The following PIEZO2 variants were observed in gnomAD, a reference collection of about 807,000 sequenced individuals.
PIEZO2 encodes the protein piezo-type mechanosensitive ion channel component 2.
A neutral mutation model predicts 337.3 loss-of-function variants in PIEZO2; 172 were observed. The ratio of observed to expected loss-of-function variants is 0.51; its 90% CI spans 0.45 to 0.58. The LOEUF (loss-of-function observed/expected upper bound fraction) is 0.58. PIEZO2 is among the 20% of genes least tolerant of loss of function. PIEZO2 has a pLI of 0.00. For synonymous variants in PIEZO2, 1,251 were observed against 1,228.5 expected (o/e 1.02, Z -0.38); for missense variants, 3,028 against 3,391.3 (o/e 0.89, Z 2.66).
chr18:10,714,886 G>C lies in PIEZO2; in HGVS notation c.5301C>G (p.Asn1767Lys). Residue 1767 changes from asparagine (N) to lysine (K), a missense_variant, in exon 39 of 56, where the codon AAC (asparagine) becomes AAG (lysine). Physicochemically the swap from Asn to Lys is moderately conservative, Grantham distance 94. Around this residue, in one of 5 missense-constraint regions of PIEZO2, gnomAD observed 1,925 missense variants for 2,051.9 expected, o/e 0.94. Transcript: ENST00000674853. ...ACTCTCTGGAAAGGTTCATGATGTG[G>C]TTCTGATAGTACATGTGGATGCTCT... ...TRESIHMYYQ[N>K]HIMNLSRESG... The C allele has an allele frequency of 6.5e-7, 1 of 1,537,234 alleles. No individual in the cohort carries two copies. Among genetic ancestry groups the C allele is most frequent in the South Asian group, 1.2e-5 (1 of 84,056 alleles).
At position 10,691,236 on chromosome 18, in the gene PIEZO2, G is replaced by A; in HGVS notation, c.7338C>T (p.Phe2446=). The change falls in exon 48 of 56, where the codon TTC becomes TTT. Residue 2446 remains phenylalanine, a synonymous_variant. Coordinates refer to ENST00000674853, the MANE Select transcript of PIEZO2 (RefSeq NM_001378183.1). ...LTKSYNYVNL[F]LFQGFRLVPF... ...GCAGAGCGTCCTACCCTTGGAATAA[G>A]AAGAGGTTGACGTAATTGTAGCTCT... is the stretch of plus-strand genomic sequence containing the variant. 6.2e-7 allele frequency: 1 copy of A among 1,613,810 alleles called. No homozygotes were observed. The highest frequency in any genetic ancestry group is 1.1e-5 in the South Asian group (1 of 90,934).
chr18:10,781,707 TCTG>T lies in PIEZO2; in HGVS notation c.2493-1344_2493-1342del, dbSNP rs1160484968. On this transcript the variant is annotated intron_variant, in intron 17 of 55. Coordinates refer to ENST00000674853, the MANE Select transcript of PIEZO2 (RefSeq NM_001378183.1). This position sits in a 1 kb window ranked among gnomAD's most constrained non-coding sequence, Gnocchi z 4.1. ...TTCTGTAAGTCTAAACATAATAAAT[TCTG>T]CTTCATACACAAGTGACATGTGCCT... 6.6e-6 allele frequency among the ~76,000 whole-genome samples: 1 copy of T among 152,188 alleles called. No homozygotes were observed. The highest frequency in any genetic ancestry group is 1.9e-4 in the East Asian group (1 of 5,192).
rs1158064938 is a variant in PIEZO2 at position 11,048,820 on chromosome 18, TA to T, written c.160+17306del. ...TTGGGACAGTTGCCTGGCATATAGC[TA>T]TACTGTGTTTCCTGTTTATTCTTCT... is the stretch of plus-strand genomic sequence containing the variant. On this transcript the variant is annotated intron_variant, in intron 2 of 55. Transcript: ENST00000674853. This position sits in a 1 kb window ranked among gnomAD's most constrained non-coding sequence, Gnocchi z 4.5. Among the ~76,000 whole-genome samples, 1 of 152,226 alleles carries T rather than the reference TA, an allele frequency of 6.6e-6. No individual in the cohort carries two copies. The highest frequency in any genetic ancestry group is 1.5e-5 in the Non-Finnish European group (1 of 68,034).
intron 4 of PIEZO2, among the ~76,000 whole-genome samples, chr18:10,884,244 T>C (rs563534442): frequency 1.3e-5 from 2 of 152,360 alleles, no homozygotes; most frequent in South Asian, 2.1e-4. Context: ...TCCTTCCTTT[T>C]ATGGCTGAAT....
Position 11,027,448 on chromosome 18 carries a change from C to T in PIEZO2, c.160+38679G>A, listed in dbSNP as rs975347241. ...TACAAGAGGTTAAAAAGAAAGCAAT[C>T]AAATTGACAATGAAGCAGGAGATAT... is the stretch of plus-strand genomic sequence containing the variant. On this transcript the variant is annotated intron_variant, in intron 2 of 55. Coordinates refer to ENST00000674853, the MANE Select transcript of PIEZO2 (RefSeq NM_001378183.1). This position sits in a 1 kb window ranked among gnomAD's most constrained non-coding sequence, Gnocchi z 4.2. Among the ~76,000 whole-genome samples, 10 of 152,138 alleles carry T rather than the reference C, an allele frequency of 6.6e-5. No homozygotes were observed. The highest frequency in any genetic ancestry group is 2.4e-4 in the African/African-American group (10 of 41,436).
Position 10,866,239 on chromosome 18 carries a change from C to T in PIEZO2, c.492+5014G>A, listed in dbSNP as rs369940299. Among the ~76,000 whole-genome samples, 4 of 151,220 alleles carry T rather than the reference C, an allele frequency of 2.6e-5. No individual in the cohort carries two copies. The East Asian group carries it at 7.8e-4, about 29-fold the overall frequency. On this transcript the variant is annotated intron_variant, in intron 5 of 55. Transcript: ENST00000674853. The stretch of plus-strand genomic sequence containing the variant: ...TATGAGTTGTATACTCAAGTCCATG[C>T]TAGGCAATGTCCACTCAATGAACAT...
intron 2 of PIEZO2, among the ~76,000 whole-genome samples, chr18:11,023,896 A>T (rs2036420930): frequency 6.6e-6 from 1 of 152,192 alleles, no homozygotes; most frequent in African/African-American, 2.4e-5. Flanking sequence ...CCGGGTGCTA[A>T]GCCCCTCATT....
chr18:10,735,055 T>TC (rs1345254005), intron 35 of PIEZO2, among the ~76,000 whole-genome samples, 177 bp downstream of exon 35: 1 of 152,204 alleles, frequency 6.6e-6, no homozygotes, highest in Non-Finnish European at 1.5e-5. Flanking sequence ...AATAAGAACT[T>TC]CGGCTTCTAA....
In PIEZO2 at chr18:10,903,609, C is replaced by G. The variant is rs1399652066; in HGVS notation, c.329+7577G>C. 6.6e-6 allele frequency among the ~76,000 whole-genome samples: 1 copy of G among 151,260 alleles called. No individual in the cohort carries two copies. The highest frequency in any genetic ancestry group is 1.5e-5 in the Non-Finnish European group (1 of 67,764). On this transcript the variant is annotated intron_variant, in intron 4 of 55. Coordinates refer to ENST00000674853, the MANE Select transcript of PIEZO2 (RefSeq NM_001378183.1). The surrounding 1 kb of genome is among the most constrained non-coding windows in gnomAD (Gnocchi z 4.1). The stretch of plus-strand genomic sequence containing the variant: ...GGCATGAACCCAGGAGGAGGCAGAG[C>G]TTGCAGTGAGCCGAGATCACACCAC...
intron 2 of PIEZO2, among the ~76,000 whole-genome samples, chr18:10,991,201 T>C (rs891837076): frequency 1.3e-5 from 2 of 149,012 alleles, no homozygotes; most frequent in African/African-American, 2.5e-5. Context: ...TACATACATA[T>C]ATACATATAT....
chr18:11,125,393 A>T lies in PIEZO2; in HGVS notation c.64+23132T>A, dbSNP rs893507014. On this transcript the variant is annotated intron_variant, in intron 1 of 55. Transcript: ENST00000674853. The surrounding 1 kb of genome is among the most constrained non-coding windows in gnomAD (Gnocchi z 4.4). ...TGGCATTTCAGCAATTTTAAAATCC[A>T]ACTTTTGCCATTATCTGAAGATACT... Among the ~76,000 whole-genome samples the T allele has an allele frequency of 1.3e-5, 2 of 152,210 alleles. No homozygotes were observed. Among genetic ancestry groups the T allele is most frequent in the Admixed American group, 1.3e-4 (2 of 15,282 alleles).
At chr18:10,970,260 G>A (rs1213819790) in intron 3 of PIEZO2, among the ~76,000 whole-genome samples, 2 of 152,164 alleles carry the variant, frequency 1.3e-5, no homozygotes, top group Non-Finnish European at 2.9e-5. Context: ...AAATAACATG[G>A]GCAAAGGCAT....
rs558672298 is a variant in PIEZO2, at chr18:10,677,079, G to A, written c.8081+668C>T. On this transcript the variant is annotated intron_variant, in intron 53 of 55. Transcript: ENST00000674853. The surrounding 1 kb of genome is among the most constrained non-coding windows in gnomAD (Gnocchi z 4.1). The stretch of plus-strand genomic sequence containing the variant: ...TGGGTCCCAATAGCTGAGGGAGACA[G>A]CCACTCTGCAGACTGAAGACAGACC... Among the ~76,000 whole-genome samples, 5 of 152,312 alleles carry A rather than the reference G, an allele frequency of 3.3e-5. No homozygotes were observed. The South Asian group carries it at 8.3e-4, about 25-fold the overall frequency.
At chr18:11,076,855 T>A (rs972016261) in intron 1 of PIEZO2, among the ~76,000 whole-genome samples, 3 of 152,216 alleles carry the variant, frequency 2.0e-5, no homozygotes, top group Admixed American at 6.5e-5. Context: ...AAGGAAAGAA[T>A]AGCAGTGCTT....
At chr18:10,857,709 T>C (rs1167754426) in intron 5 of PIEZO2, among the ~76,000 whole-genome samples, 2 of 152,186 alleles carry the variant, frequency 1.3e-5, no homozygotes, top group Non-Finnish European at 2.9e-5. Flanking sequence ...GAAGGATGAG[T>C]GGTCCCGGGC....
intron 2 of PIEZO2, among the ~76,000 whole-genome samples, chr18:11,022,142 T>C (rs111699466): frequency 0.037 from 5,695 of 152,236 alleles, 370 homozygotes; most frequent in African/African-American, 0.13. Flanking sequence ...ATGCTGCCAA[T>C]GCCTCAGCCG....
intron 4 of PIEZO2, among the ~76,000 whole-genome samples, chr18:10,873,320 C>T (rs1277115772): frequency 3.3e-5 from 5 of 152,222 alleles, no homozygotes; most frequent in South Asian, 2.1e-4. Context: ...TCCTTTTACA[C>T]GTGAAAAGAC....
Position 10,759,587 on chromosome 18 carries a change from C to A in PIEZO2, c.3656-4G>T. The A allele has an allele frequency of 6.5e-7, 1 of 1,537,214 alleles. No individual in the cohort carries two copies. Among genetic ancestry groups the A allele is most frequent in the Non-Finnish European group, 8.7e-7 (1 of 1,146,768 alleles). ...CCCTTGAATCTCCACGGGTAATCTG[C>A]AGGGAGGGAAGTGGCGAACAGCACA... is the stretch of plus-strand genomic sequence containing the variant. On this transcript the variant is annotated splice_region_variant and splice_polypyrimidine_tract_variant and intron_variant, in intron 25 of 55. Transcript: ENST00000674853. The surrounding 1 kb of genome is among the most constrained non-coding windows in gnomAD (Gnocchi z 5.5).
At chr18:10,760,147 T>C (rs1251017792) in intron 24 of PIEZO2, among the ~76,000 whole-genome samples, 2 of 152,130 alleles carry the variant, frequency 1.3e-5, no homozygotes, top group African/African-American at 4.8e-5. Context: ...CTTCAGACAA[T>C]AAAGAGAACA....
Sources: allele counts gnomAD v4.1 joint callset (sites outside exome capture counted in the v4.1 genomes callset), GRCh38; gene constraint gnomAD v4.1.1; regional missense constraint gnomAD v4.1.1; non-coding constraint Gnocchi (gnomAD v3.1); transcripts MANE v1.5; gene names NCBI Gene and HGNC (gene_info 2026-07-23, HGNC 2026-07-21).